GIGYF2: variants seen among roughly 807,000 people sequenced by gnomAD.
GIGYF2 encodes the protein GRB10-interacting GYF protein 2.
Under a neutral mutation model 208.1 loss-of-function variants are expected in GIGYF2, and 25 were observed. The observed-to-expected ratio is 0.12, with a 90% CI of 0.09 to 0.17. The LOEUF (loss-of-function observed/expected upper bound fraction) is 0.17. GIGYF2 is among the 10% of genes least tolerant of loss of function. The pLI is 1.00. For missense variants in GIGYF2, 1,302 were observed against 1,579.4 expected, an observed-to-expected ratio of 0.82 and a Z score of 2.98; for synonymous variants, 534 against 543.8, an observed-to-expected ratio of 0.98 and a Z score of 0.25.
Position 232,857,563 on chromosome 2 carries a change from A to G in GIGYF2, c.*703A>G, listed in dbSNP as rs546835751. 3 of 153,338 alleles carry G rather than the reference A, an allele frequency of 2.0e-5. No individual in the cohort carries two copies. In the East Asian group the frequency reaches 5.8e-4, roughly 30 times the overall value. 9.5% of individuals were successfully genotyped at this position (153,338 alleles called of 1,614,324 possible). A position where few individuals can be genotyped will look rare whatever the true frequency, so the allele number is the denominator to read the frequency against. On this transcript the variant is annotated 3_prime_UTR_variant, in exon 29 of 29. Transcript: ENST00000373563. ...TAGATAGTGACTTCTGAGCAAGCTG[A>G]TCTCCCCTGGCATGCTCCAACCTGA...
chr2:232,744,482 T>C (rs958087656), intron 3 of GIGYF2, among the ~76,000 whole-genome samples: 2 of 152,176 alleles, frequency 1.3e-5, no homozygotes, highest in Non-Finnish European at 2.9e-5. Flanking sequence ...CTGGCTATTT[T>C]AAATAGGATT....
intron 3 of GIGYF2, among the ~76,000 whole-genome samples, chr2:232,738,048 C>G (rs1271608850): frequency 6.6e-6 from 1 of 151,212 alleles, no homozygotes; most frequent in Non-Finnish European, 1.5e-5. Flanking sequence ...TCCTGAGTAG[C>G]TGAGATTACA....
At chr2:232,752,747 A>G (rs55913849) in intron 5 of GIGYF2, among the ~76,000 whole-genome samples, 11,371 of 152,056 alleles carry the variant, frequency 0.075, 541 homozygotes, top group East Asian at 0.18. Context: ...TCACCGTGTT[A>G]GCCAGGATGG....
chr2:232,710,030 G>A lies in GIGYF2; in HGVS notation c.-44+6541G>A, dbSNP rs559852510. 4.6e-5 allele frequency among the ~76,000 whole-genome samples: 7 copies of A among 152,070 alleles called. No homozygotes were observed. In the South Asian group the frequency reaches 1.5e-3, roughly 32 times the overall value. ...GCTGGAGTGCAGTGGCGTGATCTCA[G>A]CTCCATGCAAGCTCTGCCTCCCGGG... On this transcript the variant is annotated intron_variant, in intron 2 of 28. Transcript: ENST00000373563.
intron 3 of GIGYF2, 21 bp downstream of exon 3, chr2:232,735,259 C>G (rs1697685331): frequency 6.4e-7 from 1 of 1,551,764 alleles, no homozygotes; most frequent in Non-Finnish European, 8.9e-7. Flanking sequence ...AAAATCTCAT[C>G]TTCTTTGATA....
In GIGYF2 at chr2:232,819,400, G is replaced by T. The variant is rs556513673; in HGVS notation, c.2371-427G>T. 7.9e-5 allele frequency among the ~76,000 whole-genome samples: 12 copies of T among 152,062 alleles called. No homozygotes were observed. The South Asian group carries it at 2.5e-3, about 32-fold the overall frequency. On this transcript the variant is annotated intron_variant, in intron 20 of 28. Transcript: ENST00000373563. ...TGGCTTTACTCATTACTTCTGACTG[G>T]GAGAACTTATCTTACCCCAAATTTT...
chr2:232,814,707 A>G (rs762219971), intron 18 of GIGYF2, among the ~76,000 whole-genome samples: 5 of 152,012 alleles, frequency 3.3e-5, no homozygotes, highest in Non-Finnish European at 5.9e-5. Context: ...AAAATCCAAA[A>G]TTTGAAATGC....
At chr2:232,720,632 T>A (rs1350694304) in intron 2 of GIGYF2, among the ~76,000 whole-genome samples, 1 of 151,308 alleles carries the variant, frequency 6.6e-6, no homozygotes, top group Non-Finnish European at 1.5e-5. Context: ...GCTCACTCTG[T>A]TGTCCAGGCT....
At chr2:232,731,938 G>A (rs771526534) in intron 2 of GIGYF2, among the ~76,000 whole-genome samples, 2 of 152,120 alleles carry the variant, frequency 1.3e-5, no homozygotes, top group Non-Finnish European at 2.9e-5. Flanking sequence ...ATTAAACAGT[G>A]TATCCTTCTA....
chr2:232,779,395 A>G (rs949985518), intron 8 of GIGYF2, among the ~76,000 whole-genome samples: 10 of 152,164 alleles, frequency 6.6e-5, no homozygotes, highest in South Asian at 2.1e-4. Flanking sequence ...ATAATTCACT[A>G]TATATCTATA....
At chr2:232,829,524 C>G (rs1235707647) in intron 21 of GIGYF2, among the ~76,000 whole-genome samples, 1 of 152,218 alleles carries the variant, frequency 6.6e-6, no homozygotes, top group East Asian at 1.9e-4. Context: ...ACATTGCACT[C>G]CACTCATGGT....
At chr2:232,709,679 C>T (rs1032579581) in intron 2 of GIGYF2, among the ~76,000 whole-genome samples, 12 of 151,686 alleles carry the variant, frequency 7.9e-5, no homozygotes, top group East Asian at 3.9e-4. Flanking sequence ...TGTGGTGGTG[C>T]GGGCCTATAA....
intron 3 of GIGYF2, among the ~76,000 whole-genome samples, chr2:232,742,474 G>A (rs1559397430): frequency 6.6e-6 from 1 of 152,168 alleles, no homozygotes; most frequent in Non-Finnish European, 1.5e-5. Context: ...CTGGGAGGTG[G>A]AGGTTGCAGT....
chr2:232,815,207 CTA>C (rs1441230419), intron 18 of GIGYF2, among the ~76,000 whole-genome samples: 1 of 147,946 alleles, frequency 6.8e-6, no homozygotes, highest in African/African-American at 2.4e-5. Context: ...CTACTTCTCT[CTA>C]GTTGGTGTGC....
At chr2:232,761,878 CAAA>C (rs568782396) in intron 8 of GIGYF2, among the ~76,000 whole-genome samples, 1 of 107,548 alleles carries the variant, frequency 9.3e-6, no homozygotes, top group Non-Finnish European at 2.0e-5. Context: ...GTGATGAGAA[CAAA>C]AAAAAAAATA....
chr2:232,844,099 G>A lies in GIGYF2; in HGVS notation c.2943G>A (p.Gln981=). The change falls in exon 24 of 29, where the codon CAG becomes CAA. Residue 981 remains glutamine (Q), a synonymous_variant. Coordinates refer to ENST00000373563, the MANE Select transcript of GIGYF2 (RefSeq NM_001103146.3). ...AAGCTCTTCAGCAGCAGCAGCAACA[G>A]CAACAGCAGAAACTCTCAGGTTGGG... The part of the protein sequence containing the change: ...LMKALQQQQQ[Q]QQQKLSGWGN... 1 of 1,604,416 alleles carries A rather than the reference G, an allele frequency of 6.2e-7. No homozygotes were observed. The highest frequency in any genetic ancestry group is 8.5e-7 in the Non-Finnish European group (1 of 1,174,144).
intron 6 of GIGYF2, among the ~76,000 whole-genome samples, chr2:232,757,517 A>G (rs745778243): frequency 6.6e-6 from 1 of 152,156 alleles, no homozygotes; most frequent in African/African-American, 2.4e-5. Context: ...CCATTGGTCC[A>G]GAATTTGAGA....
Position 232,711,705 on chromosome 2 carries a change from G to GTATATATATATATA in GIGYF2, c.-44+8225_-44+8238dup, listed in dbSNP as rs55893272. 6.0e-3 allele frequency among the ~76,000 whole-genome samples: 691 copies of GTATATATATATATA among 115,720 alleles called. 17 individuals carry two copies. The highest frequency in any genetic ancestry group is 0.019 in the Middle Eastern group (4 of 210). 75.9% of individuals were successfully genotyped at this position (115,720 alleles called of 152,430 possible). A position where few individuals can be genotyped will look rare whatever the true frequency, so the allele number is the denominator to read the frequency against. On this transcript the variant is annotated intron_variant, in intron 2 of 28. Transcript: ENST00000373563. ...GAAGGAAAATTATCCTCACAATGAT[G>GTATATATATATATA]TATATATATATATATATATATAGTT...
Position 232,791,031 on chromosome 2 carries a change from A to G in GIGYF2, c.954A>G (p.Pro318=). ...AGAAAGTACAGAAAGAGCCTATTCCAGAAGAGCAGGAGATGGACTTCCGGC... is the reference window on the plus strand; with the variant it reads ...AGAAAGTACAGAAAGAGCCTATTCCGGAAGAGCAGGAGATGGACTTCCGGC... ...SLKKVQKEPI[P]EEQEMDFRPV... is the part of the protein sequence containing the mutation. The change falls in exon 11 of 29, where the codon CCA becomes CCG. Residue 318 remains proline, a synonymous_variant. Transcript: ENST00000373563. 1 of 1,614,082 alleles carries G rather than the reference A, an allele frequency of 6.2e-7. No individual in the cohort carries two copies. Among genetic ancestry groups the G allele is most frequent in the Non-Finnish European group, 8.5e-7 (1 of 1,179,964 alleles).
Sources: allele counts gnomAD v4.1 joint callset (sites outside exome capture counted in the v4.1 genomes callset), GRCh38; gene constraint gnomAD v4.1.1; transcripts MANE v1.5; gene names NCBI Gene and HGNC (gene_info 2026-07-23, HGNC 2026-07-21).